The following ACOXL variants were observed in gnomAD, a reference collection of about 807,000 sequenced individuals.
ACOXL encodes acyl-CoA oxidase like.
Under a neutral mutation model 71.9 loss-of-function variants are expected in ACOXL, and 70 were observed. The ratio of observed to expected loss-of-function variants is 0.97; its 90% CI spans 0.80 to 1.19. The LOEUF (loss-of-function observed/expected upper bound fraction) is 1.19, where lower values mean the gene tolerates loss of function less well. ACOXL is among the 50% of genes most tolerant of loss of function. The pLI is 0.00. For missense variants in ACOXL, 703 were observed against 736.3 expected (o/e 0.95, Z 0.52); for synonymous variants, 253 against 281.6 (o/e 0.90, Z 1.02).
rs775255932 is a variant in ACOXL at position 111,038,767 on chromosome 2, TA to T, written c.1369+7056del. Reference sequence around the variant, plus strand: ...TATTCCATACCACATATTGTAAAGTTAAATATGTTTGCAGTAAACATACATT... The same window carrying T: ...TATTCCATACCACATATTGTAAAGTTAATATGTTTGCAGTAAACATACATT... On this transcript the variant is annotated intron_variant, in intron 15 of 17. Transcript: ENST00000439055. 4.6e-5 allele frequency among the ~76,000 whole-genome samples: 7 copies of T among 152,354 alleles called. No homozygotes were observed. The East Asian group carries it at 1.3e-3, about 29-fold the overall frequency.
chr2:110,946,261 A>T (rs565588434), intron 12 of ACOXL, among the ~76,000 whole-genome samples: 33 of 152,348 alleles, frequency 2.2e-4, no homozygotes, highest in African/African-American at 7.7e-4. Flanking sequence ...GAAGTTGTTT[A>T]TCAGCTCTAA....
intron 16 of ACOXL, among the ~76,000 whole-genome samples, chr2:111,079,823 CTT>C (rs11334781): frequency 1.7e-4 from 24 of 139,788 alleles, no homozygotes; most frequent in Non-Finnish European, 2.5e-4. Flanking sequence ...TAAGAGTCAC[CTT>C]TTTTTTTTTT....
intron 9 of ACOXL, among the ~76,000 whole-genome samples, chr2:110,839,715 G>A (rs897150453): frequency 4.6e-5 from 7 of 152,154 alleles, no homozygotes; most frequent in Admixed American, 6.5e-5. Flanking sequence ...TCTGCAGGAC[G>A]TCGAGCTGGG....
At chr2:110,942,055 A>G (rs1363573689) in intron 12 of ACOXL, among the ~76,000 whole-genome samples, 1 of 152,152 alleles carries the variant, frequency 6.6e-6, no homozygotes, top group African/African-American at 2.4e-5. Flanking sequence ...AAGAAAAGAA[A>G]GTACACTATT....
At chr2:110,938,797 C>T (rs112169088) in intron 12 of ACOXL, among the ~76,000 whole-genome samples, 3 of 152,076 alleles carry the variant, frequency 2.0e-5, no homozygotes, top group African/African-American at 7.2e-5. Flanking sequence ...AAACTTGGCC[C>T]CCTTGATCTT....
At chr2:110,775,422 C>T (rs977648890) in intron 2 of ACOXL, among the ~76,000 whole-genome samples, 1 of 151,966 alleles carries the variant, frequency 6.6e-6, no homozygotes, top group African/African-American at 2.4e-5. Context: ...ATCTTTTGTG[C>T]ATCAAGGGAC....
intron 7 of ACOXL, among the ~76,000 whole-genome samples, chr2:110,800,131 T>C (rs1164233117): frequency 1.3e-5 from 2 of 152,234 alleles, no homozygotes; most frequent in African/African-American, 4.8e-5. Flanking sequence ...TCTTTCACTC[T>C]TCACAATAAA....
chr2:111,025,051 T>C (rs2064955158), intron 14 of ACOXL, among the ~76,000 whole-genome samples: 1 of 152,098 alleles, frequency 6.6e-6, no homozygotes, highest in Admixed American at 6.6e-5. Flanking sequence ...AGTTCCTTTG[T>C]GCAACTTTGC....
At chr2:110,859,482 T>C (rs1415595498) in intron 10 of ACOXL, among the ~76,000 whole-genome samples, 8 of 152,112 alleles carry the variant, frequency 5.3e-5, no homozygotes, top group South Asian at 2.1e-4. Flanking sequence ...CAGAACACTA[T>C]GAAAGGGAGA....
chr2:110,874,946 C>A (rs1214846217), intron 10 of ACOXL, among the ~76,000 whole-genome samples: 1 of 152,156 alleles, frequency 6.6e-6, no homozygotes, highest in Non-Finnish European at 1.5e-5. Flanking sequence ...CCTGTGTTAT[C>A]TGGGAGCGGG....
At chr2:110,751,355 A>G (rs1372653503) in intron 1 of ACOXL, among the ~76,000 whole-genome samples, 1 of 151,844 alleles carries the variant, frequency 6.6e-6, no homozygotes, top group South Asian at 2.1e-4. Flanking sequence ...GAAGACCTTG[A>G]CATTGAGGAT....
chr2:111,106,684 C>G (rs552637783), intron 17 of ACOXL, among the ~76,000 whole-genome samples: 1 of 152,324 alleles, frequency 6.6e-6, no homozygotes, highest in African/African-American at 2.4e-5. Context: ...TCCTCTAACA[C>G]TGTTCCAGTG....
intron 9 of ACOXL, among the ~76,000 whole-genome samples, chr2:110,829,435 C>T (rs1689562244): frequency 6.6e-6 from 1 of 152,182 alleles, no homozygotes; most frequent in Non-Finnish European, 1.5e-5. Context: ...GGTTCTTTCT[C>T]TTCTGAGGAA....
chr2:110,846,636 TACACGCAC>T (rs1431759606), intron 10 of ACOXL, among the ~76,000 whole-genome samples: 1 of 44,836 alleles, frequency 2.2e-5, no homozygotes, highest in African/African-American at 7.2e-5. Flanking sequence ...CAAGTATGCA[TACACGCAC>T]ACACACACAC....
At chr2:110,737,524 T>C (rs922284827) in intron 1 of ACOXL, among the ~76,000 whole-genome samples, 14 of 152,220 alleles carry the variant, frequency 9.2e-5, no homozygotes, top group Non-Finnish European at 1.3e-4. Flanking sequence ...TTTCCTTCTG[T>C]CACAACCTTT....
intron 17 of ACOXL, among the ~76,000 whole-genome samples, chr2:111,108,718 C>T (rs1263324170): frequency 6.6e-6 from 1 of 152,144 alleles, no homozygotes; most frequent in Non-Finnish European, 1.5e-5. Context: ...CGAGTTTTGA[C>T]AAATAGCAGA....
intron 10 of ACOXL, among the ~76,000 whole-genome samples, chr2:110,880,992 C>T (rs535177683): frequency 7.2e-5 from 11 of 152,198 alleles, no homozygotes; most frequent in African/African-American, 2.4e-4. Flanking sequence ...CAAATATCTC[C>T]GAATTTTTCT....
At chr2:110,833,355 T>G (rs1690066664) in intron 9 of ACOXL, among the ~76,000 whole-genome samples, 1 of 152,194 alleles carries the variant, frequency 6.6e-6, no homozygotes, top group Non-Finnish European at 1.5e-5. Flanking sequence ...TTACATAACA[T>G]TCCTGAAATG....
At chr2:111,109,300 G>T (rs2069774235) in intron 17 of ACOXL, among the ~76,000 whole-genome samples, 1 of 152,194 alleles carries the variant, frequency 6.6e-6, no homozygotes, top group Non-Finnish European at 1.5e-5. Flanking sequence ...TTTTGTGGAA[G>T]ATGTTTTATT....
Sources: gnomAD v4.1 joint callset for allele counts (sites outside exome capture counted in the v4.1 genomes callset) on GRCh38, gnomAD v4.1.1 for gene constraint, MANE v1.5 for transcripts, NCBI Gene and HGNC (gene_info 2026-07-23, HGNC 2026-07-21) for gene names.